Variants in PCDH7 observed in about 807,000 individuals in gnomAD.
The protein encoded by PCDH7 is protocadherin 7, also known as protocadherin-7.
PCDH7 carries 17 observed loss-of-function variants against 58.9 expected under a neutral mutation model. The ratio of observed to expected loss-of-function variants is 0.29; its 90% confidence interval spans 0.20 to 0.43. The LOEUF is 0.43. PCDH7 is among the 20% of genes least tolerant of loss of function. PCDH7 has a pLI of 1.00. For synonymous variants in PCDH7, 664 were observed against 616.4 expected (o/e 1.08, Z -1.14); for missense variants, 1,274 against 1,441.0 (o/e 0.88, Z 1.88).
chr4:31,041,296 C>A (rs1755838424), intron 3 of PCDH7, among the ~76,000 whole-genome samples: 1 of 152,082 alleles, frequency 6.6e-6, no homozygotes. Flanking sequence ...GTTATTATTC[C>A]GGGGATATTT....
intron 2 of PCDH7, among the ~76,000 whole-genome samples, chr4:30,924,027 G>T (rs570671366): frequency 6.6e-6 from 1 of 152,154 alleles, no homozygotes; most frequent in South Asian, 2.1e-4. Flanking sequence ...GGCAAGCATT[G>T]ACTGTGCAAG....
chr4:30,878,632 T>C (rs1473960414), intron 1 of PCDH7, among the ~76,000 whole-genome samples: 1 of 152,072 alleles, frequency 6.6e-6, no homozygotes, highest in African/African-American at 2.4e-5. Context: ...GCAGATCACC[T>C]GAGGTCAGGA....
At chr4:30,937,037 G>C (rs1183536399) in intron 2 of PCDH7, among the ~76,000 whole-genome samples, 1 of 80,034 alleles carries the variant, frequency 1.2e-5, no homozygotes, top group African/African-American at 4.3e-5. Flanking sequence ...AACTCAATGG[G>C]AAGAGGCATA....
intron 2 of PCDH7, among the ~76,000 whole-genome samples, chr4:30,948,226 T>C (rs1746947795): frequency 6.6e-6 from 1 of 151,892 alleles, no homozygotes; most frequent in African/African-American, 2.4e-5. Flanking sequence ...TAATCTACCC[T>C]TCTTAAAGCC....
intron 1 of PCDH7, among the ~76,000 whole-genome samples, chr4:30,808,505 CA>C (rs759209371): frequency 1.2e-4 from 18 of 152,250 alleles, no homozygotes; most frequent in Middle Eastern, 6.8e-3. Context: ...ATTTTCACTA[CA>C]AAGAGTGGAG....
chr4:30,948,472 T>A (rs1746982045), intron 2 of PCDH7, among the ~76,000 whole-genome samples: 1 of 152,130 alleles, frequency 6.6e-6, no homozygotes, highest in African/African-American at 2.4e-5. Flanking sequence ...AAATTAGGTT[T>A]AATTTTTTCA....
chr4:30,949,459 TA>T (rs1682674608), intron 2 of PCDH7, among the ~76,000 whole-genome samples: 1 of 152,124 alleles, frequency 6.6e-6, no homozygotes. Flanking sequence ...AATTTATTTT[TA>T]TAAAATTCTG....
chr4:31,063,731 C>G (rs1233763398), intron 3 of PCDH7, among the ~76,000 whole-genome samples: 4 of 151,812 alleles, frequency 2.6e-5, no homozygotes, highest in African/African-American at 9.7e-5. Context: ...AAATTTTCTG[C>G]CTCATTCTAT....
intron 3 of PCDH7, among the ~76,000 whole-genome samples, chr4:31,130,847 T>TA (rs1560253327): frequency 2.0e-5 from 3 of 152,250 alleles, no homozygotes; most frequent in East Asian, 1.9e-4. Flanking sequence ...GCCCTGTGAT[T>TA]AAAAAATGGC....
chr4:30,967,029 T>G (rs2109467555), intron 3 of PCDH7, among the ~76,000 whole-genome samples: 1 of 152,230 alleles, frequency 6.6e-6, no homozygotes, highest in Admixed American at 6.5e-5. Flanking sequence ...TTTAAATTTG[T>G]TTTCTTTCTA....
At chr4:31,018,872 T>C (rs761792051) in intron 3 of PCDH7, among the ~76,000 whole-genome samples, 6 of 152,306 alleles carry the variant, frequency 3.9e-5, no homozygotes, top group Non-Finnish European at 7.4e-5. Flanking sequence ...CCAAGAGATA[T>C]AGGGAAATGA....
intron 1 of PCDH7, among the ~76,000 whole-genome samples, chr4:30,814,002 G>T (rs1171040444): frequency 6.6e-6 from 1 of 152,240 alleles, no homozygotes; most frequent in Non-Finnish European, 1.5e-5. Flanking sequence ...AGTTTTATCT[G>T]TGACCGAAGC....
At chr4:30,754,443 G>C (rs1719005302) in intron 1 of PCDH7, among the ~76,000 whole-genome samples, 1 of 151,900 alleles carries the variant, frequency 6.6e-6, no homozygotes, top group Admixed American at 6.6e-5. Flanking sequence ...GATTGTTTAG[G>C]GTCCAAGGTT....
chr4:31,106,446 G>A (rs1715590791), intron 3 of PCDH7, among the ~76,000 whole-genome samples: 2 of 152,186 alleles, frequency 1.3e-5, no homozygotes, highest in Admixed American at 1.3e-4. Context: ...AGCTGTTCTT[G>A]CTATTTGCAT....
chr4:30,822,095 G>A (rs1412372712), intron 1 of PCDH7, among the ~76,000 whole-genome samples: 3 of 151,984 alleles, frequency 2.0e-5, no homozygotes, highest in East Asian at 3.9e-4. Context: ...AGTCCTTAAA[G>A]GGCAGGTCTG....
chr4:30,950,698 G>A (rs547754542), intron 3 of PCDH7, among the ~76,000 whole-genome samples: 2 of 152,164 alleles, frequency 1.3e-5, no homozygotes, highest in Non-Finnish European at 2.9e-5. Flanking sequence ...GTATAAGCTA[G>A]TTTAATAAAT....
At chr4:30,968,169 G>A (rs1749157020) in intron 3 of PCDH7, among the ~76,000 whole-genome samples, 1 of 151,040 alleles carries the variant, frequency 6.6e-6, no homozygotes, top group Non-Finnish European at 1.5e-5. Context: ...AGCAGACACT[G>A]TTCCAAGTAC....
intron 1 of PCDH7, among the ~76,000 whole-genome samples, chr4:30,750,886 T>C (rs999516256): frequency 3.2e-4 from 49 of 151,442 alleles, no homozygotes; most frequent in African/African-American, 1.1e-3. Flanking sequence ...GGAAATACTA[T>C]TTTTTTTTCC....
At chr4:30,925,723 A>C (rs1743786591) in intron 2 of PCDH7, 1 of 152,200 alleles carries the variant, frequency 6.6e-6, no homozygotes, top group South Asian at 2.1e-4. Flanking sequence ...GGAGGGTGCT[A>C]TTCACTTTGA....
Sources: allele counts gnomAD v4.1 joint callset (sites outside exome capture counted in the v4.1 genomes callset), GRCh38; gene constraint gnomAD v4.1.1; transcripts MANE v1.5; gene names NCBI Gene and HGNC (gene_info 2026-07-23, HGNC 2026-07-21).